The following OTUD7A variants were observed in gnomAD, a reference collection of about 807,000 sequenced individuals.
OTUD7A encodes OTU deubiquitinase 7A.
Under a neutral mutation model 65.7 loss-of-function variants are expected in OTUD7A, and 12 were observed. The ratio of observed to expected loss-of-function variants is 0.18; its 90% CI spans 0.12 to 0.30. The LOEUF is 0.30. Among genes scored for constraint, OTUD7A ranks in the 10% least tolerant of loss-of-function variants. The probability of loss-of-function intolerance (pLI) is 1.00; values close to 1 mark genes in which losing one functional copy is unlikely to be tolerated. For missense variants in OTUD7A, 1,148 were observed against 1,304.8 expected (o/e 0.88, Z 1.85); for synonymous variants, 641 against 586.3 (o/e 1.09, Z -1.35).
chr15:31,614,827 G>C (rs1299303244), intron 3 of OTUD7A, among the ~76,000 whole-genome samples: 1 of 152,110 alleles, frequency 6.6e-6, no homozygotes, highest in Non-Finnish European at 1.5e-5. Flanking sequence ...ATTTGAAAGA[G>C]AATCAAATTA....
intron 1 of OTUD7A, among the ~76,000 whole-genome samples, chr15:31,711,671 C>A (rs1893450803): frequency 6.9e-6 from 1 of 144,924 alleles, no homozygotes; most frequent in Non-Finnish European, 1.5e-5. Context: ...CAAAACTGCA[C>A]TGCTTTTAAG....
intron 8 of OTUD7A, among the ~76,000 whole-genome samples, chr15:31,509,618 T>G (rs548362710): frequency 1.3e-5 from 2 of 152,262 alleles, no homozygotes; most frequent in South Asian, 2.1e-4. Flanking sequence ...AACCTTTTAA[T>G]GTAGGTAAAA....
intron 4 of OTUD7A, 100 bp downstream of exon 4, chr15:31,569,918 G>C: frequency 1.6e-6 from 2 of 1,285,352 alleles, no homozygotes; most frequent in Non-Finnish European, 2.2e-6. Flanking sequence ...CTGCATCCGG[G>C]AGGTGATGAC....
intron 1 of OTUD7A, among the ~76,000 whole-genome samples, chr15:31,815,165 A>C (rs1896515605): frequency 6.6e-6 from 1 of 152,180 alleles, no homozygotes; most frequent in Admixed American, 6.5e-5. Flanking sequence ...CTGCAATTGC[A>C]CAAATCTATG....
intron 1 of OTUD7A, among the ~76,000 whole-genome samples, chr15:31,747,343 A>C (rs937695956): frequency 2.6e-5 from 4 of 152,232 alleles, no homozygotes; most frequent in African/African-American, 9.6e-5. Flanking sequence ...CCTAAATAAA[A>C]GAAAGCAGAA....
chr15:31,611,185 C>T lies in OTUD7A; in HGVS notation c.152-40988G>A, dbSNP rs370551559. 1.5e-4 allele frequency among the ~76,000 whole-genome samples: 23 copies of T among 152,178 alleles called. 1 individual carries two copies. In the South Asian group the frequency reaches 4.0e-3, roughly 26 times the overall value. On this transcript the variant is annotated intron_variant, in intron 3 of 12. Transcript: ENST00000307050. ...TAAGAGGAAACTTCATAGCCCTACA[C>T]GCCTACATCAAAAAGACTGAAAGAG...
chr15:31,551,530 T>A (rs188070910), intron 5 of OTUD7A, among the ~76,000 whole-genome samples: 159 of 152,362 alleles, frequency 1.0e-3, no homozygotes, highest in African/African-American at 3.7e-3. Context: ...TTCTGACTTT[T>A]CTGAGCAATA....
intron 3 of OTUD7A, among the ~76,000 whole-genome samples, chr15:31,585,135 G>C (rs1436410236): frequency 6.6e-6 from 1 of 152,206 alleles, no homozygotes; most frequent in Non-Finnish European, 1.5e-5. Context: ...GCTGTTGCTT[G>C]CTGGTTAGAT....
chr15:31,659,246 C>A (rs2141282595), intron 1 of OTUD7A, among the ~76,000 whole-genome samples: 1 of 152,236 alleles, frequency 6.6e-6, no homozygotes, highest in Admixed American at 6.5e-5. Flanking sequence ...GGGACAGGTA[C>A]AGGAAGACTA....
chr15:31,776,057 G>C (rs145339002), intron 1 of OTUD7A, among the ~76,000 whole-genome samples: 1 of 152,158 alleles, frequency 6.6e-6, no homozygotes, highest in Non-Finnish European at 1.5e-5. Context: ...CCACTGCCAC[G>C]CAGCCACCTG....
chr15:31,568,849 A>G (rs1489938926), intron 4 of OTUD7A, among the ~76,000 whole-genome samples: 1 of 152,196 alleles, frequency 6.6e-6, no homozygotes, highest in Non-Finnish European at 1.5e-5. Context: ...TACCCTGGCC[A>G]TGTGAAGTGC....
At chr15:31,529,361 T>C (rs1308936418) in intron 6 of OTUD7A, among the ~76,000 whole-genome samples, 2 of 152,140 alleles carry the variant, frequency 1.3e-5, no homozygotes, top group African/African-American at 4.8e-5. Flanking sequence ...AATTCTCAGA[T>C]TGTAAGGGAA....
At chr15:31,685,688 T>C (rs1025578550) in intron 1 of OTUD7A, among the ~76,000 whole-genome samples, 11 of 152,194 alleles carry the variant, frequency 7.2e-5, no homozygotes, top group African/African-American at 2.7e-4. Flanking sequence ...CAAATGCTTG[T>C]GGAGCCAGAT....
At chr15:31,608,657 A>G (rs974440819) in intron 3 of OTUD7A, among the ~76,000 whole-genome samples, 1 of 152,250 alleles carries the variant, frequency 6.6e-6, no homozygotes. Context: ...TTGAACTATC[A>G]TAAGTCAGTG....
chr15:31,626,462 T>C (rs1298443381), intron 3 of OTUD7A, among the ~76,000 whole-genome samples: 1 of 152,176 alleles, frequency 6.6e-6, no homozygotes, highest in Non-Finnish European at 1.5e-5. Flanking sequence ...TTTAATAGTA[T>C]ACTAGTGGGG....
intron 1 of OTUD7A, among the ~76,000 whole-genome samples, chr15:31,747,603 T>C (rs1894514814): frequency 6.6e-6 from 1 of 152,114 alleles, no homozygotes. Context: ...TATAAATAGA[T>C]GATTAAGTAA....
intron 3 of OTUD7A, among the ~76,000 whole-genome samples, chr15:31,598,204 T>C (rs1380223849): frequency 6.6e-6 from 1 of 152,146 alleles, no homozygotes; most frequent in African/African-American, 2.4e-5. Flanking sequence ...TATATTCAGA[T>C]TGATGGCAAG....
intron 8 of OTUD7A, among the ~76,000 whole-genome samples, chr15:31,521,059 T>C (rs1395927113): frequency 6.6e-6 from 1 of 152,212 alleles, no homozygotes; most frequent in Non-Finnish European, 1.5e-5. Flanking sequence ...TTCTCACTTA[T>C]AGCTGGGGGC....
intron 5 of OTUD7A, among the ~76,000 whole-genome samples, chr15:31,549,277 A>G (rs545267302): frequency 3.0e-4 from 46 of 152,360 alleles, no homozygotes; most frequent in African/African-American, 9.6e-4. Flanking sequence ...TGACCACAAC[A>G]TATTCAGTAT....
Sources: gnomAD v4.1 joint callset for allele counts (sites outside exome capture counted in the v4.1 genomes callset) on GRCh38, gnomAD v4.1.1 for gene constraint, MANE v1.5 for transcripts, NCBI Gene and HGNC (gene_info 2026-07-23, HGNC 2026-07-21) for gene names.